Variants in BDP1 observed in about 807,000 individuals in gnomAD.
BDP1 encodes BDP1 general transcription factor IIIB subunit, also known as transcription factor TFIIIB component B'' homolog.
Under a neutral mutation model 266.6 loss-of-function variants are expected in BDP1, and 169 were observed. The ratio of observed to expected loss-of-function variants is 0.63; its 90% CI spans 0.56 to 0.72. The LOEUF (loss-of-function observed/expected upper bound fraction) is 0.72. BDP1 is among the 30% of genes least tolerant of loss of function. BDP1 has a pLI of 0.00. For synonymous variants in BDP1, 1,090 were observed against 1,022.4 expected (o/e 1.07, Z -1.26); for missense variants, 3,015 against 3,053.8 (o/e 0.99, Z 0.30).
At chr5:71,460,241 G>A (rs938574403) in intron 2 of BDP1, among the ~76,000 whole-genome samples, 4 of 152,184 alleles carry the variant, frequency 2.6e-5, no homozygotes, top group Admixed American at 2.0e-4. Context: ...TTATCTGGTT[G>A]TGGTGGTGCA....
chr5:71,535,232 C>T (rs1766521044), intron 26 of BDP1, among the ~76,000 whole-genome samples: 1 of 150,774 alleles, frequency 6.6e-6, no homozygotes, highest in Non-Finnish European at 1.5e-5. Context: ...GACAGAGTCT[C>T]ACTCTGTTGC....
chr5:71,569,406 C>T (rs184344999), downstream of BDP1, among the ~76,000 whole-genome samples: 17 of 149,754 alleles, frequency 1.1e-4, no homozygotes, highest in African/African-American at 3.7e-4. Context: ...GAGGTATGAT[C>T]GTGCCAGCCT....
At position 71,545,180 on chromosome 5, in the gene BDP1, C is replaced by T; in HGVS notation, c.6705C>T (p.Asp2235=). The part of the protein sequence containing the change: ...ENSVEEPQIK[D]SKGDSVLTLP... ...CTGTTGAAGAGCCCCAGATAAAGGA[C>T]TCTAAAGGAGACAGTGTGCTTACAC... Residue 2235 remains aspartate (D), a synonymous_variant, in exon 32 of 39, where the codon GAC becomes GAT. Coordinates refer to ENST00000358731, the MANE Select transcript of BDP1 (RefSeq NM_018429.3). 1 of 1,613,382 alleles carries T rather than the reference C, an allele frequency of 6.2e-7. No homozygotes were observed. Among genetic ancestry groups the T allele is most frequent in the Non-Finnish European group, 8.5e-7 (1 of 1,179,934 alleles).
chr5:71,561,114 A>G (rs992898696), intron 37 of BDP1, among the ~76,000 whole-genome samples: 4 of 151,960 alleles, frequency 2.6e-5, no homozygotes, highest in Non-Finnish European at 4.4e-5. Context: ...AAAAAAGAAA[A>G]AAAAAGGCTG....
chr5:71,553,194 G>C lies in BDP1; in HGVS notation c.7074G>C (p.Pro2358=). Reference sequence around the variant, plus strand: ...CTGGAAGAGATAATTCTAAAAAGCCGCCTGATAATTTGGATCTTGTATCTA... The same window carrying C: ...CTGGAAGAGATAATTCTAAAAAGCCCCCTGATAATTTGGATCTTGTATCTA... ...SISGRDNSKK[P]PDNLDLVSRK... The change falls in exon 35 of 39, where the codon CCG becomes CCC. Residue 2358 remains proline, a synonymous_variant. Coordinates refer to ENST00000358731, the MANE Select transcript of BDP1 (RefSeq NM_018429.3). 3 of 1,612,928 alleles carry C rather than the reference G, an allele frequency of 1.9e-6. No homozygotes were observed. The highest frequency in any genetic ancestry group is 2.5e-6 in the Non-Finnish European group (3 of 1,179,810).
chr5:71,483,785 A>T (rs1025633430), intron 7 of BDP1, 57 bp from the exon 8 acceptor site: 9 of 1,343,612 alleles, frequency 6.7e-6, no homozygotes, highest in Non-Finnish European at 9.6e-6. Flanking sequence ...ACTGCATTTA[A>T]AAAAAAATGC....
chr5:71,572,862 T>C, the BDP1 span, among the ~76,000 whole-genome samples: 2 of 152,210 alleles, frequency 1.3e-5, no homozygotes, highest in African/African-American at 2.4e-5. Context: ...TAGCTCCTTA[T>C]TATTCTGTGG....
downstream of BDP1, among the ~76,000 whole-genome samples, chr5:71,572,196 A>G (rs185163018): frequency 3.3e-5 from 5 of 152,238 alleles, no homozygotes; most frequent in African/African-American, 1.2e-4. Context: ...ATAAATACAG[A>G]GGGCTGTGTA....
chr5:71,545,395 G>C (rs2150572927), intron 32 of BDP1, 176 bp downstream of exon 32: 1 of 644,014 alleles, frequency 1.6e-6, no homozygotes, highest in East Asian at 2.9e-5. Context: ...GCAGTGGTAT[G>C]ATCTCAGCTC....
intron 6 of BDP1, among the ~76,000 whole-genome samples, chr5:71,469,128 T>G (rs376939508): frequency 1.3e-5 from 2 of 152,082 alleles, no homozygotes; most frequent in Non-Finnish European, 2.9e-5. Flanking sequence ...TCTCCTGAAG[T>G]GTAACTTCTG....
chr5:71,524,069 G>A lies in BDP1; in HGVS notation c.5518G>A (p.Val1840Ile), dbSNP rs1765645062. 1 of 1,614,068 alleles carries A rather than the reference G, an allele frequency of 6.2e-7. No individual in the cohort carries two copies. Among genetic ancestry groups the A allele is most frequent in the Non-Finnish European group, 8.5e-7 (1 of 1,180,046 alleles). ...AAGTCATAAAAAGTTCAAACCAAAT[G>A]TCACCAGAGGTCGTGGATCAAAACG... ...RRSHKKFKPN[V>I]TRGRGSKRVR... The change falls in exon 25 of 39, where the codon GTC (valine) becomes ATC (isoleucine). Residue 1840 changes from valine (V) to isoleucine (I), a missense_variant. Coordinates refer to ENST00000358731, the MANE Select transcript of BDP1 (RefSeq NM_018429.3).
At chr5:71,550,461 A>G (rs1742665730) in intron 34 of BDP1, among the ~76,000 whole-genome samples, 1 of 135,178 alleles carries the variant, frequency 7.4e-6, no homozygotes, top group African/African-American at 2.6e-5. Context: ...GCTAATTAAA[A>G]AAAAATTTTT....
intron 16 of BDP1, among the ~76,000 whole-genome samples, chr5:71,505,612 T>C (rs1326398435): frequency 1.3e-5 from 2 of 152,276 alleles, no homozygotes; most frequent in Non-Finnish European, 2.9e-5. Flanking sequence ...GACTCCCATA[T>C]ACCTGCTGTC....
rs151292542 is a variant in BDP1 at position 71,470,130 on chromosome 5, C to G, written c.920-265C>G. ...TGCTGGGATTACAGGCGTGAACCAC[C>G]GCGACCGGCCCTGGTCTCTAACTCT... On this transcript the variant is annotated intron_variant, in intron 6 of 38. Transcript: ENST00000358731. Among the ~76,000 whole-genome samples the G allele has an allele frequency of 1.0e-2, 1,515 of 152,208 alleles. 29 individuals carry two copies. Among genetic ancestry groups the G allele is most frequent in the African/African-American group, 0.034 (1,426 of 41,534 alleles).
At position 71,456,034 on chromosome 5, in the gene BDP1, G is replaced by A; in HGVS notation, c.157G>A (p.Val53Met). 6.2e-7 allele frequency: 1 copy of A among 1,613,588 alleles called. No homozygotes were observed. The stretch of plus-strand genomic sequence containing the variant: ...TTCCAAGCCCGCGGAGCCCACAGAT[G>A]TGCCCACAGTCGATTTCGGTGGAGC... ...SASKPAEPTD[V>M]PTVDFGGAEP... The change falls in exon 1 of 39, where the codon GTG (valine) becomes ATG (methionine). Residue 53 changes from valine (V) to methionine (M), a missense_variant. Around this residue, in one of 3 missense-constraint regions of BDP1, gnomAD observed 2,383 missense variants for 2,404.9 expected, o/e 0.99. Coordinates refer to ENST00000358731, the MANE Select transcript of BDP1 (RefSeq NM_018429.3).
At chr5:71,562,010 T>C in intron 37 of BDP1, among the ~76,000 whole-genome samples, 1 of 151,744 alleles carries the variant, frequency 6.6e-6, no homozygotes, top group East Asian at 1.9e-4. Context: ...TTTGGGAGGC[T>C]GAGGCAGGCA....
chr5:71,522,178 G>T, intron 22 of BDP1, 111 bp from the exon 23 acceptor site: 2 of 788,478 alleles, frequency 2.5e-6, no homozygotes, highest in East Asian at 2.5e-5. Context: ...TTTATATATA[G>T]TCCTTTGAAC....
Position 71,532,334 on chromosome 5 carries a change from T to G in BDP1, c.5799T>G (p.Asp1933Glu). The change falls in exon 26 of 39, where the codon GAT becomes GAG. Residue 1933 changes from aspartate (D) to glutamate (E), a missense_variant. By Grantham distance (45) the Asp-to-Glu change is conservative. Around this residue, in one of 3 missense-constraint regions of BDP1, gnomAD observed 2,383 missense variants for 2,404.9 expected, o/e 0.99. Transcript: ENST00000358731. The part of the protein sequence containing the change: ...EELEITVNVP[D>E]VGCIAVVEHE... ...TTGAAATAACTGTGAATGTCCCAGA[T>G]GTAGGATGCATAGCTGTTGTTGAAC... 1 of 1,613,678 alleles carries G rather than the reference T, an allele frequency of 6.2e-7. No individual in the cohort carries two copies.
At chr5:71,531,294 C>G in intron 25 of BDP1, among the ~76,000 whole-genome samples, 1 of 152,202 alleles carries the variant, frequency 6.6e-6, no homozygotes, top group Admixed American at 6.5e-5. Context: ...TAATAAGAAC[C>G]AGACTATATT....
Sources: gnomAD v4.1 joint callset for allele counts (sites outside exome capture counted in the v4.1 genomes callset) on GRCh38, gnomAD v4.1.1 for gene constraint, gnomAD v4.1.1 regional missense constraint, MANE v1.5 for transcripts, NCBI Gene and HGNC (gene_info 2026-07-23, HGNC 2026-07-21) for gene names.